EIF4E2: variants seen among roughly 807,000 people sequenced by gnomAD.
The protein encoded by EIF4E2 is eukaryotic translation initiation factor 4E family member 2, also known as eukaryotic translation initiation factor 4E type 2.
Under a neutral mutation model 34.2 loss-of-function variants are expected in EIF4E2, and 13 were observed. The ratio of observed to expected loss-of-function variants is 0.38; its 90% confidence interval spans 0.25 to 0.60. The LOEUF is 0.60. EIF4E2 is among the 20% of genes least tolerant of loss of function. The pLI, the probability that EIF4E2 is intolerant of heterozygous loss-of-function variation, is 0.62. For synonymous variants in EIF4E2, 100 were observed against 106.6 expected (o/e 0.94, Z 0.38); for missense variants, 222 against 315.1 (o/e 0.70, Z 2.24).
At chr2:232,580,889 A>C in intron 6 of EIF4E2, 1 of 1,546,292 alleles carries the variant, frequency 6.5e-7, no homozygotes, top group Non-Finnish European at 8.7e-7. Context: ...ATTTTCTCCC[A>C]TTTTTTTCTT....
Position 232,568,867 on chromosome 2 carries a change from T to A in EIF4E2, c.666-78T>A. 1.9e-6 allele frequency: 3 copies of A among 1,594,756 alleles called. No individual in the cohort carries two copies. In the South Asian group the frequency reaches 3.4e-5, roughly 18 times the overall value. Reference sequence around the variant, plus strand: ...TAGAGACCAGAAGACCAACCCTCTTTGAGACCCAGATGCTACTTTCCCTTG... The same window carrying A: ...TAGAGACCAGAAGACCAACCCTCTTAGAGACCCAGATGCTACTTTCCCTTG... On this transcript the variant is annotated intron_variant, in intron 6 of 6. Transcript: ENST00000258416.
intron 6 of EIF4E2, among the ~76,000 whole-genome samples, chr2:232,575,159 A>G (rs1213633978): frequency 1.3e-5 from 2 of 152,218 alleles, no homozygotes; most frequent in Non-Finnish European, 2.9e-5. Context: ...GGAACAGAAC[A>G]TGTCAACTGT....
At chr2:232,553,591 T>C (rs1692419638) in intron 1 of EIF4E2, among the ~76,000 whole-genome samples, 1 of 152,186 alleles carries the variant, frequency 6.6e-6, no homozygotes, top group South Asian at 2.1e-4. Flanking sequence ...GCTAACTGCC[T>C]GAGTTTAGGG....
chr2:232,558,794 G>A lies in EIF4E2; in HGVS notation c.270+776G>A, dbSNP rs558579737. 1.7e-4 allele frequency: 26 copies of A among 152,192 alleles called. 1 individual carries two copies. Among genetic ancestry groups the A allele is most frequent in the African/African-American group, 6.0e-4 (25 of 41,536 alleles). The allele number at this position is 152,192 out of a possible 1,614,324, so 9.4% of individuals were successfully genotyped here. The stretch of plus-strand genomic sequence containing the variant: ...GGGTTTTGGCTGTATTAATGATTAT[G>A]CATAAAATATCTTTTTCCTGTGTTC... On this transcript the variant is annotated intron_variant, in intron 3 of 6. Transcript: ENST00000258416.
chr2:232,558,239 A>G, intron 3 of EIF4E2: 2 of 472,532 alleles, frequency 4.2e-6, no homozygotes, highest in Non-Finnish European at 7.3e-6. Context: ...AGAGTTGATC[A>G]GAAGGGCATA....
At chr2:232,560,773 C>T (rs1447728789) in intron 3 of EIF4E2, among the ~76,000 whole-genome samples, 1 of 152,182 alleles carries the variant, frequency 6.6e-6, no homozygotes, top group Non-Finnish European at 1.5e-5. Flanking sequence ...ATGAAATCAA[C>T]ATCATTACTA....
At chr2:232,556,589 G>A in intron 2 of EIF4E2, 59 bp downstream of exon 2, 3 of 1,244,376 alleles carry the variant, frequency 2.4e-6, no homozygotes, top group Non-Finnish European at 3.5e-6. Context: ...ATTATCTTGT[G>A]GAATCTGTTT....
intron 1 of EIF4E2, chr2:232,551,310 G>C (rs1244190607): frequency 2.1e-6 from 1 of 470,748 alleles, no homozygotes; most frequent in Admixed American, 2.4e-5. Context: ...TCCCCTTCCC[G>C]TTCCCGTCTT....
exon 7 of EIF4E2, chr2:232,582,386 C>T (rs2106260370): frequency 6.6e-6 from 1 of 152,358 alleles, no homozygotes; most frequent in Non-Finnish European, 1.5e-5. Flanking sequence ...CTCTAATTAC[C>T]ACTGTTTTGG....
chr2:232,578,433 C>A (rs973180302), intron 6 of EIF4E2, among the ~76,000 whole-genome samples: 4 of 152,138 alleles, frequency 2.6e-5, no homozygotes, highest in Admixed American at 1.3e-4. Context: ...GAGATCGAGA[C>A]CATCCTGGCC....
intron 6 of EIF4E2, chr2:232,567,851 T>A (rs1280099635): frequency 1.0e-6 from 1 of 985,330 alleles, no homozygotes; most frequent in East Asian, 1.1e-4. Flanking sequence ...AGTGATTGAG[T>A]GTCAGAAGTA....
intron 1 of EIF4E2, among the ~76,000 whole-genome samples, chr2:232,553,500 A>G (rs139577396): frequency 6.6e-6 from 1 of 152,328 alleles, no homozygotes; most frequent in African/African-American, 2.4e-5. Flanking sequence ...GTATTGGTCT[A>G]GTTCAGAGGG....
At position 232,551,117 on chromosome 2, in the gene EIF4E2, G is replaced by C. The variant is rs1692297253; in HGVS notation, c.20+373G>C. 8.6e-6 allele frequency: 5 copies of C among 584,776 alleles called. No individual in the cohort carries two copies. In the East Asian group the frequency reaches 2.0e-4, roughly 24 times the overall value. 36.2% of individuals were successfully genotyped at this position (584,776 alleles called of 1,614,324 possible). A position where few individuals can be genotyped will look rare whatever the true frequency, so the allele number is the denominator to read the frequency against. On this transcript the variant is annotated intron_variant, in intron 1 of 6. Coordinates refer to ENST00000258416, the MANE Select transcript of EIF4E2 (RefSeq NM_004846.4). ...TCTGGCAGCGCTGCCTCTGAATCCA[G>C]CTTTCCCCACACACTCCCTCTCCCC...
chr2:232,559,441 A>AAATAAAT (rs1559315064), intron 3 of EIF4E2, among the ~76,000 whole-genome samples: 81 of 135,434 alleles, frequency 6.0e-4, no homozygotes, highest in African/African-American at 2.4e-3. Context: ...TGGTTTGAAA[A>AAATAAAT]AAATAAAAAA....
intron 6 of EIF4E2, chr2:232,567,454 A>G (rs958716054): frequency 1.7e-4 from 228 of 1,309,534 alleles, no homozygotes; most frequent in Non-Finnish European, 2.1e-4. Flanking sequence ...CAGTTGTACT[A>G]CCTGGGCTTG....
Position 232,581,045 on chromosome 2 carries a change from C to G in EIF4E2, c.*102C>G. Reference sequence around the variant, plus strand: ...CTTCCATTGCTCACTGAAGGGACGTCCCTGAGCCGTGCGCTCTCCTTTTGC... The same window carrying G: ...CTTCCATTGCTCACTGAAGGGACGTGCCTGAGCCGTGCGCTCTCCTTTTGC... On this transcript the variant is annotated 3_prime_UTR_variant, in exon 7 of 7. Transcript: ENST00000409098. This position sits in a 1 kb window ranked among gnomAD's most constrained non-coding sequence, Gnocchi z 5.2. The G allele has an allele frequency of 8.4e-7, 1 of 1,194,792 alleles. No individual in the cohort carries two copies. Among genetic ancestry groups the G allele is most frequent in the South Asian group, 1.3e-5 (1 of 76,922 alleles). The allele number at this position is 1,194,792 out of a possible 1,614,324, so 74.0% of individuals were successfully genotyped here.
downstream of EIF4E2, among the ~76,000 whole-genome samples, chr2:232,571,930 A>G (rs1469570669): frequency 2.0e-5 from 3 of 152,210 alleles, no homozygotes; most frequent in Non-Finnish European, 4.4e-5. Context: ...GCGCAAGGCT[A>G]TGAACCTTGC....
chr2:232,553,528 A>G (rs1692417969), intron 1 of EIF4E2, among the ~76,000 whole-genome samples: 1 of 152,224 alleles, frequency 6.6e-6, no homozygotes, highest in African/African-American at 2.4e-5. Context: ...ATACGTGGGC[A>G]GAAGCTTAGC....
chr2:232,583,228 G>T (rs1053078936), exon 7 of EIF4E2: 1 of 152,214 alleles, frequency 6.6e-6, no homozygotes, highest in African/African-American at 2.4e-5. Context: ...TCTCCGCTTT[G>T]CACAGTACCA....
Sources: gnomAD v4.1 joint callset for allele counts (sites outside exome capture counted in the v4.1 genomes callset) on GRCh38, gnomAD v4.1.1 for gene constraint, Gnocchi (gnomAD v3.1) non-coding constraint, MANE v1.5 for transcripts, NCBI Gene and HGNC (gene_info 2026-07-23, HGNC 2026-07-21) for gene names.